Variants in ERCC4 observed in about 807,000 individuals in gnomAD.
The protein encoded by ERCC4 is ERCC excision repair 4, endonuclease catalytic subunit.
A neutral mutation model predicts 76.9 loss-of-function variants in ERCC4; 65 were observed. The observed-to-expected ratio is 0.84, with a 90% CI of 0.69 to 1.04. The LOEUF (loss-of-function observed/expected upper bound fraction) is 1.04. ERCC4 is among the 50% of genes least tolerant of loss of function. ERCC4 has a pLI of 0.00. For synonymous variants in ERCC4, 463 were observed against 410.1 expected (o/e 1.13, Z -1.56); for missense variants, 1,214 against 1,128.2 (o/e 1.08, Z -1.09).
At chr16:13,933,726 T>G (rs1451359619) in intron 6 of ERCC4, 2 of 152,850 alleles carry the variant, frequency 1.3e-5, no homozygotes, top group Admixed American at 6.5e-5. Flanking sequence ...AAAATCTTTT[T>G]AAAGAAAACT....
intron 2 of ERCC4, among the ~76,000 whole-genome samples, chr16:13,922,969 T>C (rs1373843694): frequency 2.0e-5 from 3 of 152,252 alleles, no homozygotes; most frequent in Non-Finnish European, 4.4e-5. Context: ...AGATTTGAAA[T>C]GTTTATAAAT....
In ERCC4 at chr16:13,949,380, C is replaced by T. The variant is rs1483026663; in HGVS notation, c.*1033C>T. On this transcript the variant is annotated 3_prime_UTR_variant, in exon 11 of 11. Coordinates refer to ENST00000311895, the MANE Select transcript of ERCC4 (RefSeq NM_005236.3). ...TCGCACCACTGCACCCCTGCCTGGG[C>T]GACAGAGTGAGACTTTGTCTCTATT... The T allele has an allele frequency of 1.3e-5, 3 of 233,094 alleles. No homozygotes were observed. Among genetic ancestry groups the T allele is most frequent in the South Asian group, 1.8e-4 (1 of 5,528 alleles). The allele number at this position is 233,094 out of a possible 1,614,324, so 14.4% of individuals were successfully genotyped here.
chr16:13,934,748 G>A (rs1341761943), intron 7 of ERCC4: 5 of 234,554 alleles, frequency 2.1e-5, no homozygotes, highest in Non-Finnish European at 4.2e-5. Context: ...GTAATGAGCC[G>A]GTACAAACTG....
At chr16:13,927,760 A>T (rs1356272679) in intron 3 of ERCC4, 1 of 448,954 alleles carries the variant, frequency 2.2e-6, no homozygotes, top group East Asian at 4.4e-5. Context: ...TAATGGTGTG[A>T]CTGCATTCCA....
chr16:13,926,263 C>T (rs868439729), intron 2 of ERCC4, among the ~76,000 whole-genome samples: 3 of 152,332 alleles, frequency 2.0e-5, no homozygotes, highest in Middle Eastern at 3.4e-3. Flanking sequence ...CACAAGGCTC[C>T]ATCCAGCCTT....
intron 1 of ERCC4, among the ~76,000 whole-genome samples, chr16:13,920,927 A>G (rs1437241642): frequency 1.3e-5 from 2 of 152,168 alleles, no homozygotes; most frequent in African/African-American, 2.4e-5. Flanking sequence ...GGTCCCTGAC[A>G]TGGGTGCAAG....
chr16:13,941,548 C>T (rs1481793649), intron 9 of ERCC4, among the ~76,000 whole-genome samples: 1 of 152,186 alleles, frequency 6.6e-6, no homozygotes, highest in Non-Finnish European at 1.5e-5. Context: ...AGTTGTGGCT[C>T]TTTAACCAGA....
Position 13,920,239 on chromosome 16 carries a change from A to T in ERCC4, c.74A>T (p.Glu25Val), listed in dbSNP as rs745893266. ...LLEYERQLVLELLDTDGLVVC... is the reference protein window; with the variant it reads ...LLEYERQLVLVLLDTDGLVVC... Reference sequence around the variant, plus strand: ...GAGTACGAGCGACAGCTGGTGCTGGAACTGCTCGACACTGACGGGCTAGTA... The same window carrying T: ...GAGTACGAGCGACAGCTGGTGCTGGTACTGCTCGACACTGACGGGCTAGTA... Residue 25 changes from glutamate (E) to valine (V), a missense_variant, in exon 1 of 11, where the codon GAA (glutamate) becomes GTA (valine). Physicochemically the swap from Glu to Val is moderately radical, Grantham distance 121 (BLOSUM62 -2). Transcript: ENST00000311895. The T allele has an allele frequency of 1.9e-6, 3 of 1,607,878 alleles. No individual in the cohort carries two copies. Among genetic ancestry groups the T allele is most frequent in the African/African-American group, 2.7e-5 (2 of 75,046 alleles).
At position 13,948,504 on chromosome 16, in the gene ERCC4, T is replaced by C. The variant is rs973073961; in HGVS notation, c.*157T>C. ...CAGAAGCCAGGATTCCTCTCTGAACTCTGCAGTTAGGCATCACTTGAACTT... is the reference window on the plus strand; with the variant it reads ...CAGAAGCCAGGATTCCTCTCTGAACCCTGCAGTTAGGCATCACTTGAACTT... On this transcript the variant is annotated 3_prime_UTR_variant, in exon 11 of 11. Coordinates refer to ENST00000311895, the MANE Select transcript of ERCC4 (RefSeq NM_005236.3). 8.0e-6 allele frequency: 7 copies of C among 871,164 alleles called. No homozygotes were observed. The African/African-American group carries it at 1.2e-4, about 15-fold the overall frequency. The allele number at this position is 871,164 out of a possible 1,614,324, so 54.0% of individuals were successfully genotyped here. A position where few individuals can be genotyped will look rare whatever the true frequency, so the allele number is the denominator to read the frequency against.
In ERCC4 at chr16:13,950,488, T is replaced by C. The variant is rs1302014795; in HGVS notation, c.*2141T>C. The C allele has an allele frequency of 5.2e-6, 1 of 192,704 alleles. No homozygotes were observed. Among genetic ancestry groups the C allele is most frequent in the African/African-American group, 2.3e-5 (1 of 43,112 alleles). 11.9% of individuals were successfully genotyped at this position (192,704 alleles called of 1,614,324 possible). On this transcript the variant is annotated 3_prime_UTR_variant, in exon 11 of 11. Transcript: ENST00000311895. ...AATTAGTTTAAGATGGAATAAAGAT[T>C]TGGGCTGCTAATTTTTTCCCAGGAT...
In ERCC4 at chr16:13,935,288, A is replaced by G; in HGVS notation, c.1356A>G (p.Lys452=). 6.2e-7 allele frequency: 1 copy of G among 1,614,142 alleles called. No individual in the cohort carries two copies. Among genetic ancestry groups the G allele is most frequent in the Non-Finnish European group, 8.5e-7 (1 of 1,180,028 alleles). The change falls in exon 8 of 11, where the codon AAA becomes AAG. Residue 452 remains lysine (K), a synonymous_variant. Coordinates refer to ENST00000311895, the MANE Select transcript of ERCC4 (RefSeq NM_005236.3). The part of the protein sequence containing the change: ...KDSKAEEVWM[K]FRKEDSSKRI... ...GCAAAGCTGAAGAAGTCTGGATGAA[A>G]TTTAGGAAGGAAGACAGTTCAAAGA...
rs368274574 is a variant in ERCC4 at position 13,947,786 on chromosome 16, T to C, written c.2190T>C (p.Ser730=). 2 of 1,614,154 alleles carry C rather than the reference T, an allele frequency of 1.2e-6. No individual in the cohort carries two copies. Among genetic ancestry groups the C allele is most frequent in the African/African-American group, 2.7e-5 (2 of 74,952 alleles). Residue 730 remains serine (S), a synonymous_variant, in exon 11 of 11, where the codon AGT becomes AGC. Transcript: ENST00000311895. Reference sequence around the variant, plus strand: ...TGTGCGTGGAGCGCAAGAGTATCAGTGATTTAATCGGCTCTTTAAATAACG... The same window carrying C: ...TGTGCGTGGAGCGCAAGAGTATCAGCGATTTAATCGGCTCTTTAAATAACG... ...PEMCVERKSI[S]DLIGSLNNGR... is the part of the protein sequence containing the mutation.
chr16:13,937,695 A>G (rs2032328172), intron 8 of ERCC4, 71 bp from the exon 9 acceptor site: 2 of 929,594 alleles, frequency 2.2e-6, no homozygotes, highest in African/African-American at 1.6e-5. Flanking sequence ...CTGATTTCAC[A>G]TGTTCTGCTG....
At chr16:13,934,152 A>T in intron 6 of ERCC4, 40 bp from the exon 7 acceptor site, 1 of 1,356,128 alleles carries the variant, frequency 7.4e-7, no homozygotes, top group Non-Finnish European at 1.1e-6. Flanking sequence ...TTATGGGTAA[A>T]TATTATCACA....
chr16:13,934,345 C>A, intron 7 of ERCC4, 43 bp downstream of exon 7: 2 of 1,245,072 alleles, frequency 1.6e-6, no homozygotes. Flanking sequence ...CAAAATCTAT[C>A]AAATGAGTCC....
intron 9 of ERCC4, among the ~76,000 whole-genome samples, chr16:13,939,501 T>G (rs2032372537): frequency 6.6e-6 from 1 of 152,032 alleles, no homozygotes. Context: ...GGGAGCCGCT[T>G]CCCTGAGGAA....
Position 13,944,832 on chromosome 16 carries a change from G to A in ERCC4, c.2014G>A (p.Ala672Thr). Residue 672 changes from alanine (A) to threonine (T), a missense_variant, in exon 10 of 11, where the codon GCC (alanine) becomes ACC (threonine). By Grantham distance (58) the Ala-to-Thr change is moderately conservative. Transcript: ENST00000311895. ...AGATGTTTCCACTGACACTCGGAAAGCCGGTGAGTCCTGCACTTTGTCAGG... is the reference window on the plus strand; with the variant it reads ...AGATGTTTCCACTGACACTCGGAAAACCGGTGAGTCCTGCACTTTGTCAGG... Reference protein sequence around the residue: ...SADVSTDTRKAGGQEQNGTQQ... With the variant: ...SADVSTDTRKTGGQEQNGTQQ... 2 of 1,600,594 alleles carry A rather than the reference G, an allele frequency of 1.2e-6. No individual in the cohort carries two copies. Among genetic ancestry groups the A allele is most frequent in the African/African-American group, 1.3e-5 (1 of 74,722 alleles).
Position 13,926,603 on chromosome 16 carries a change from A to C in ERCC4, c.431A>C (p.Gln144Pro), listed in dbSNP as rs2032076810. The C allele has an allele frequency of 6.2e-7, 1 of 1,614,184 alleles. No homozygotes were observed. The highest frequency in any genetic ancestry group is 8.5e-7 in the Non-Finnish European group (1 of 1,180,026). The change falls in exon 3 of 11, where the codon CAA becomes CCA. Residue 144 changes from glutamine (Q) to proline (P), a missense_variant. By Grantham distance (76) the Gln-to-Pro change is moderately conservative. Coordinates refer to ENST00000311895, the MANE Select transcript of ERCC4 (RefSeq NM_005236.3). ...YRAHRIIESC[Q>P]EAFILRLFRQ... ...GCCCACAGAATAATCGAGTCTTGTCAAGAAGCATTCATCTTGCGCCTCTTT... is the reference window on the plus strand; with the variant it reads ...GCCCACAGAATAATCGAGTCTTGTCCAGAAGCATTCATCTTGCGCCTCTTT...
chr16:13,922,454 TCA>T, intron 2 of ERCC4: 1 of 758,048 alleles, frequency 1.3e-6, no homozygotes, highest in Non-Finnish European at 2.4e-6. Context: ...ATTGCACAAC[TCA>T]CACAGTAATT....
Sources: gnomAD v4.1 joint callset for allele counts (sites outside exome capture counted in the v4.1 genomes callset) on GRCh38, gnomAD v4.1.1 for gene constraint, MANE v1.5 for transcripts, NCBI Gene and HGNC (gene_info 2026-07-23, HGNC 2026-07-21) for gene names.